Variants in ANO1 observed in about 807,000 individuals in gnomAD.
ANO1 encodes the protein anoctamin-1.
Under a neutral mutation model 124.0 loss-of-function variants are expected in ANO1, and 59 were observed. That is an observed-to-expected ratio of 0.48 (90% CI 0.39 to 0.59). The LOEUF (loss-of-function observed/expected upper bound fraction) is 0.59, where lower values mean the gene tolerates loss of function less well. Ranked by LOEUF, ANO1 falls within the 20% of genes least tolerant of loss-of-function variation. The pLI is 0.00. For missense variants in ANO1, 1,059 were observed against 1,328.0 expected, an observed-to-expected ratio of 0.80 and a Z score of 3.15; for synonymous variants, 529 against 532.0, an observed-to-expected ratio of 0.99 and a Z score of 0.08.
chr11:70,096,011 C>T (rs1172585854), intron 2 of ANO1, among the ~76,000 whole-genome samples: 1 of 152,174 alleles, frequency 6.6e-6, no homozygotes, highest in Non-Finnish European at 1.5e-5. Context: ...ATTTATTACC[C>T]AGCTCATCCT....
chr11:70,068,978 T>C (rs943968565), intron 1 of ANO1, among the ~76,000 whole-genome samples: 1 of 152,224 alleles, frequency 6.6e-6, no homozygotes, highest in South Asian at 2.1e-4. Flanking sequence ...GGCCCATGTA[T>C]TTTCTTAGGT....
intron 11 of ANO1, among the ~76,000 whole-genome samples, chr11:70,138,567 C>T (rs946743027): frequency 3.3e-5 from 5 of 151,934 alleles, no homozygotes; most frequent in Middle Eastern, 3.4e-3. Flanking sequence ...TTATTTTGTG[C>T]CAGGCACTGT....
At chr11:69,999,657 C>G (rs1289689929) in intron 1 of ANO1, among the ~76,000 whole-genome samples, 2 of 152,176 alleles carry the variant, frequency 1.3e-5, no homozygotes, top group Admixed American at 6.5e-5. Context: ...AGGGCCATGT[C>G]TCTTGGGCTC....
intron 1 of ANO1, among the ~76,000 whole-genome samples, chr11:70,046,187 T>C (rs1358828454): frequency 1.3e-5 from 2 of 152,234 alleles, no homozygotes; most frequent in East Asian, 3.9e-4. Context: ...TATGTCATTG[T>C]GCCAATTTTC....
intron 1 of ANO1, among the ~76,000 whole-genome samples, chr11:70,013,254 A>G (rs565273062): frequency 6.6e-6 from 1 of 152,302 alleles, no homozygotes; most frequent in African/African-American, 2.4e-5. Flanking sequence ...GCAGTGGCCA[A>G]GGCTAGAGAG....
intron 2 of ANO1, among the ~76,000 whole-genome samples, chr11:70,096,737 T>C (rs1276870985): frequency 1.3e-5 from 2 of 152,136 alleles, no homozygotes; most frequent in Non-Finnish European, 2.9e-5. Context: ...GGCACATGCC[T>C]GTAGTCCCAG....
intron 1 of ANO1, among the ~76,000 whole-genome samples, chr11:70,057,115 C>T (rs1359308079): frequency 1.1e-4 from 17 of 152,092 alleles, no homozygotes; most frequent in Non-Finnish European, 1.2e-4. Flanking sequence ...TTTTTGTTTG[C>T]TTGTTTTACT....
intron 1 of ANO1, among the ~76,000 whole-genome samples, chr11:70,069,066 T>G (rs1195397150): frequency 6.6e-6 from 1 of 152,200 alleles, no homozygotes; most frequent in Non-Finnish European, 1.5e-5. Flanking sequence ...TCCCCCTGCC[T>G]TGTGAAACAA....
At chr11:69,976,382 C>T in the ANO1 span, among the ~76,000 whole-genome samples, 1 of 151,892 alleles carries the variant, frequency 6.6e-6, no homozygotes, top group Admixed American at 6.6e-5. Context: ...TGGTGGGCGC[C>T]TGTAGTCGCA....
At chr11:70,170,602 C>CAT (rs2048423771) in intron 21 of ANO1, among the ~76,000 whole-genome samples, 1 of 152,150 alleles carries the variant, frequency 6.6e-6, no homozygotes, top group African/African-American at 2.4e-5. Context: ...AAAGATTAGC[C>CAT]ATAGATAAGG....
At chr11:70,045,385 G>A (rs1170383651) in intron 1 of ANO1, among the ~76,000 whole-genome samples, 1 of 152,128 alleles carries the variant, frequency 6.6e-6, no homozygotes, top group Non-Finnish European at 1.5e-5. Flanking sequence ...AAAATCTCTG[G>A]AACTGCCAGG....
At chr11:70,035,840 C>A (rs1228756856) in intron 1 of ANO1, among the ~76,000 whole-genome samples, 1 of 152,138 alleles carries the variant, frequency 6.6e-6, no homozygotes, top group Non-Finnish European at 1.5e-5. Context: ...CATGTCCCTG[C>A]AAAGCATATG....
rs34284544 is a variant in ANO1 at position 70,161,229 on chromosome 11, C to T, written c.1647C>T (p.Ala549=). 1.6e-3 allele frequency: 2,658 copies of T among 1,613,956 alleles called. 32 individuals are homozygous for T. In the African/African-American group the frequency reaches 0.032, roughly 19 times the overall value. ...GAATCTCCATGGCCGCCGCCTTGGCCATGAACTCCTCCCCCTCCGTGCGGT... is the reference window on the plus strand; with the variant it reads ...GAATCTCCATGGCCGCCGCCTTGGCTATGAACTCCTCCCCCTCCGTGCGGT... The part of the protein sequence containing the change: ...IYRISMAAAL[A]MNSSPSVRSN... The change falls in exon 17 of 26, where the codon GCC becomes GCT. Residue 549 remains alanine (A), a synonymous_variant. Transcript: ENST00000355303.
Position 70,187,870 on chromosome 11 carries a change from C to A in ANO1, c.2827C>A (p.Gln943Lys). ...LFMREEQDKQ[Q>K]LLETWMEKER... ...CATGCGGGAGGAGCAAGACAAGCAG[C>A]AGCTGCTGGAAACCTGGATGGAGAA... The change falls in exon 26 of 26, where the codon CAG (glutamine) becomes AAG (lysine). Residue 943 changes from glutamine to lysine, a missense_variant. Physicochemically the swap from Gln to Lys is moderately conservative, Grantham distance 53. This residue lies in a region of ANO1 where 809 missense variants were observed against 1,094.9 expected (regional missense o/e 0.74). Coordinates refer to ENST00000355303, the MANE Select transcript of ANO1 (RefSeq NM_018043.7). The A allele has an allele frequency of 6.2e-7, 1 of 1,606,456 alleles. No homozygotes were observed. Among genetic ancestry groups the A allele is most frequent in the Non-Finnish European group, 8.5e-7 (1 of 1,176,832 alleles).
In ANO1 at chr11:70,147,390, C is replaced by T. The variant is rs534987981; in HGVS notation, c.1259-2320C>T. 2.6e-5 allele frequency among the ~76,000 whole-genome samples: 4 copies of T among 152,312 alleles called. No homozygotes were observed. The East Asian group carries it at 7.7e-4, about 29-fold the overall frequency. On this transcript the variant is annotated intron_variant, in intron 11 of 25. Coordinates refer to ENST00000355303, the MANE Select transcript of ANO1 (RefSeq NM_018043.7). ...GACAGGCTGCTCCCACCGTCTGCCT[C>T]CTGAGGGTCAGGGGCCCTGGGGGTT...
chr11:70,149,878 C>A (rs1056614521), intron 12 of ANO1, 86 bp downstream of exon 12: 22 of 1,472,844 alleles, frequency 1.5e-5, no homozygotes, highest in Non-Finnish European at 2.0e-5. Context: ...CACGGAGGCC[C>A]GAGGTCAGAA....
intron 2 of ANO1, among the ~76,000 whole-genome samples, chr11:70,100,593 A>G (rs1012844270): frequency 2.6e-5 from 4 of 152,154 alleles, no homozygotes; most frequent in African/African-American, 7.2e-5. Context: ...TCCAGAGCTG[A>G]AGGAGAATGA....
At chr11:70,165,010 G>A (rs947129138) in intron 19 of ANO1, among the ~76,000 whole-genome samples, 1 of 152,182 alleles carries the variant, frequency 6.6e-6, no homozygotes, top group Non-Finnish European at 1.5e-5. Flanking sequence ...TAACAGAGAT[G>A]GGGGTCTCAC....
chr11:69,995,956 A>T (rs936567754), intron 1 of ANO1, among the ~76,000 whole-genome samples: 3 of 152,172 alleles, frequency 2.0e-5, no homozygotes, highest in Admixed American at 6.5e-5. Flanking sequence ...TACTAAAAAT[A>T]AACAATTAGC....
Sources: gnomAD v4.1 joint callset for allele counts (sites outside exome capture counted in the v4.1 genomes callset) on GRCh38, gnomAD v4.1.1 for gene constraint, gnomAD v4.1.1 regional missense constraint, MANE v1.5 for transcripts, NCBI Gene and HGNC (gene_info 2026-07-23, HGNC 2026-07-21) for gene names.